The following CCNK variants were observed in gnomAD, a reference collection of about 807,000 sequenced individuals.
The protein encoded by CCNK is cyclin K.
A neutral mutation model predicts 65.0 loss-of-function variants in CCNK; 9 were observed. The ratio of observed to expected loss-of-function variants is 0.14; its 90% CI spans 0.08 to 0.24. The LOEUF (loss-of-function observed/expected upper bound fraction) is 0.24, where lower values mean the gene tolerates loss of function less well. Ranked by LOEUF, CCNK falls within the 10% of genes least tolerant of loss-of-function variation. CCNK has a pLI of 1.00. For synonymous variants in CCNK, 279 were observed against 270.8 expected, an observed-to-expected ratio of 1.03 and a Z score of -0.30; for missense variants, 474 against 720.0, an observed-to-expected ratio of 0.66 and a Z score of 3.91.
At chr14:99,495,672 T>C (rs2139861606) in intron 4 of CCNK, 43 bp downstream of exon 4, 6 of 1,569,826 alleles carry the variant, frequency 3.8e-6, no homozygotes, top group Non-Finnish European at 5.2e-6. Flanking sequence ...CTTGATTCCT[T>C]ATGGTAGTAT....
Position 99,511,261 on chromosome 14 carries a change from ATT to A in CCNK, c.*481_*482del, listed in dbSNP as rs1897123750. On this transcript the variant is annotated 3_prime_UTR_variant, in exon 11 of 11. Coordinates refer to ENST00000389879, the MANE Select transcript of CCNK (RefSeq NM_001099402.2). ...AAGGGGCAGAAGAACCACATTTTTC[ATT>A]TATAGATGTTTGCATCCTTTGTATT... The A allele has an allele frequency of 6.6e-6, 1 of 152,034 alleles. No homozygotes were observed. The highest frequency in any genetic ancestry group is 1.5e-5 in the Non-Finnish European group (1 of 68,170). 9.4% of individuals were successfully genotyped at this position (152,034 alleles called of 1,614,324 possible).
intron 2 of CCNK, chr14:99,493,102 C>T (rs1338208901): frequency 2.0e-6 from 1 of 511,748 alleles, no homozygotes; most frequent in Non-Finnish European, 3.4e-6. Context: ...TATGAGGCAC[C>T]CATTAGGATC....
rs955482088 is a variant in CCNK at position 99,503,171 on chromosome 14, C to T, written c.1011+187C>T. On this transcript the variant is annotated intron_variant, in intron 8 of 10. Transcript: ENST00000389879. The stretch of plus-strand genomic sequence containing the variant: ...AAGGTGCTCCAAGGACAGGCTGCCT[C>T]TGAGAACCAGGAGGGGGCTCTCTGC... 5.4e-6 allele frequency: 4 copies of T among 741,876 alleles called. No homozygotes were observed. The African/African-American group carries it at 6.9e-5, about 13-fold the overall frequency. 46.0% of individuals were successfully genotyped at this position (741,876 alleles called of 1,614,324 possible).
chr14:99,496,406 T>C (rs901188021), intron 4 of CCNK, among the ~76,000 whole-genome samples: 2 of 152,116 alleles, frequency 1.3e-5, no homozygotes, highest in African/African-American at 4.8e-5. Context: ...CGAAACCCCA[T>C]CTCTACTATA....
intron 9 of CCNK, chr14:99,503,883 T>G: frequency 1.9e-6 from 1 of 532,718 alleles, no homozygotes; most frequent in Non-Finnish European, 3.3e-6. Context: ...ATGTACTCAG[T>G]AACATATATA....
chr14:99,502,817 ACAC>A lies in CCNK; in HGVS notation c.848_850del (p.Pro283del), dbSNP rs776121018. The A allele has an allele frequency of 1.9e-6, 3 of 1,613,556 alleles. No homozygotes were observed. Among genetic ancestry groups the A allele is most frequent in the South Asian group, 2.2e-5 (2 of 91,042 alleles). Reference sequence around the variant, plus strand: ...GCAACAGCCCCCATCTCTTCAGCCTACACCACAAGTGCCGCAAGTACAGCAGTC... The same window carrying A: ...GCAACAGCCCCCATCTCTTCAGCCTACACAAGTGCCGCAAGTACAGCAGTC... On this transcript the variant is annotated inframe_deletion, in exon 8 of 11. Transcript: ENST00000389879.
At chr14:99,501,525 G>T (rs1896824764) in intron 6 of CCNK, 112 bp downstream of exon 6, 1 of 744,060 alleles carries the variant, frequency 1.3e-6, no homozygotes, top group Admixed American at 2.5e-5. Context: ...ACTTGCCCTG[G>T]CTTGAGGAGC....
At chr14:99,507,825 A>G (rs1437344261) in intron 10 of CCNK, 1 of 152,258 alleles carries the variant, frequency 6.6e-6, no homozygotes, top group African/African-American at 2.4e-5. Context: ...ACAGAGAGTA[A>G]ATGAAAGAGT....
At chr14:99,505,549 G>A (rs1896952928) in intron 9 of CCNK, 1 of 152,188 alleles carries the variant, frequency 6.6e-6, no homozygotes, top group Non-Finnish European at 1.5e-5. Flanking sequence ...GTCTTGCTCT[G>A]TTAATGCAGG....
chr14:99,504,142 A>C, intron 9 of CCNK: 1 of 297,342 alleles, frequency 3.4e-6, no homozygotes, highest in Non-Finnish European at 6.9e-6. Flanking sequence ...AAGTTAGTTC[A>C]TGTCAATATT....
At chr14:99,508,678 G>A (rs1216106206) in intron 10 of CCNK, 1 of 152,698 alleles carries the variant, frequency 6.5e-6, no homozygotes, top group Non-Finnish European at 1.5e-5. Context: ...ACTTGGTCAG[G>A]AGCAAGTGTA....
intron 2 of CCNK, 172 bp downstream of exon 2, chr14:99,493,046 T>C (rs1664492879): frequency 1.6e-5 from 11 of 672,996 alleles, no homozygotes; most frequent in Admixed American, 7.3e-5. Context: ...ATTTGTCATT[T>C]TAAAGGTGTA....
At chr14:99,493,465 A>C in intron 2 of CCNK, 49 bp from the exon 3 acceptor site, 2 of 1,147,264 alleles carry the variant, frequency 1.7e-6, no homozygotes, top group Non-Finnish European at 2.6e-6. Flanking sequence ...TTTAACTAAG[A>C]GTATAACCTG....
At chr14:99,510,024 A>G (rs1011775927) in intron 10 of CCNK, 133 bp from the exon 11 acceptor site, 3 of 837,754 alleles carry the variant, frequency 3.6e-6, no homozygotes, top group Admixed American at 5.6e-5. Flanking sequence ...GCATGGGCCC[A>G]TGCGTTGGGC....
chr14:99,485,574 T>C (rs1444266298), intron 1 of CCNK, among the ~76,000 whole-genome samples: 1 of 152,212 alleles, frequency 6.6e-6, no homozygotes, highest in East Asian at 1.9e-4. Context: ...TTCCTTTTTG[T>C]TTTTACTGGC....
intron 1 of CCNK, chr14:99,491,941 C>G (rs1159902447): frequency 2.6e-5 from 4 of 151,004 alleles, no homozygotes. Flanking sequence ...CTTTCTTTCT[C>G]TCAGCATGGA....
At chr14:99,485,088 CT>C (rs1896450987) in intron 1 of CCNK, among the ~76,000 whole-genome samples, 1 of 152,164 alleles carries the variant, frequency 6.6e-6, no homozygotes, top group Non-Finnish European at 1.5e-5. Flanking sequence ...GAGGCAAAAA[CT>C]TTTTCAGGGA....
At chr14:99,503,094 T>C in intron 8 of CCNK, 110 bp downstream of exon 8, 1 of 1,277,010 alleles carries the variant, frequency 7.8e-7, no homozygotes, top group South Asian at 1.2e-5. Flanking sequence ...AAGCAGGGGG[T>C]GTTCGCCGAA....
intron 9 of CCNK, chr14:99,504,841 T>A (rs910254590): frequency 1.3e-5 from 2 of 152,194 alleles, no homozygotes; most frequent in Admixed American, 6.5e-5. Flanking sequence ...GAAATGCAAT[T>A]GAGTTGACGT....
Sources: allele counts gnomAD v4.1 joint callset (sites outside exome capture counted in the v4.1 genomes callset), GRCh38; gene constraint gnomAD v4.1.1; transcripts MANE v1.5; gene names NCBI Gene and HGNC (gene_info 2026-07-23, HGNC 2026-07-21).